PTPRD: variants seen among roughly 807,000 people sequenced by gnomAD.
PTPRD encodes the protein protein tyrosine phosphatase receptor type D, also known as receptor-type tyrosine-protein phosphatase delta.
PTPRD carries 34 observed loss-of-function variants against 214.5 expected under a neutral mutation model. The ratio of observed to expected loss-of-function variants is 0.16; its 90% CI spans 0.12 to 0.21. The LOEUF (loss-of-function observed/expected upper bound fraction) is 0.21, where lower values mean the gene tolerates loss of function less well. PTPRD is among the 10% of genes least tolerant of loss of function. PTPRD has a pLI of 1.00. For missense variants in PTPRD, 2,545 were observed against 2,398.7 expected (o/e 1.06, Z -1.27); for synonymous variants, 1,128 against 845.7 (o/e 1.33, Z -5.79).
intron 3 of PTPRD, among the ~76,000 whole-genome samples, chr9:10,186,229 T>G (rs2099329659): frequency 6.6e-6 from 1 of 152,114 alleles, no homozygotes; most frequent in Non-Finnish European, 1.5e-5. Flanking sequence ...GAGAGTCAAT[T>G]ATTCTCCCAC....
At chr9:8,881,943 A>G (rs1001429363) in intron 11 of PTPRD, among the ~76,000 whole-genome samples, 6 of 152,184 alleles carry the variant, frequency 3.9e-5, no homozygotes, top group Non-Finnish European at 5.9e-5. Context: ...TAGCTTTCTC[A>G]CCAAGAACCA....
At chr9:8,721,446 G>C (rs1204345213) in intron 12 of PTPRD, among the ~76,000 whole-genome samples, 1 of 140,528 alleles carries the variant, frequency 7.1e-6, no homozygotes, top group Non-Finnish European at 1.5e-5. Flanking sequence ...AAAAAAAAAA[G>C]AAAGATAAAG....
intron 3 of PTPRD, among the ~76,000 whole-genome samples, chr9:10,303,798 G>A (rs921635666): frequency 5.3e-5 from 8 of 152,074 alleles, no homozygotes; most frequent in African/African-American, 1.9e-4. Context: ...AAATGTCCAG[G>A]ACCAGATGGA....
intron 3 of PTPRD, among the ~76,000 whole-genome samples, chr9:10,078,474 C>T: frequency 6.8e-6 from 1 of 146,336 alleles, no homozygotes; most frequent in African/African-American, 2.6e-5. Flanking sequence ...CAAGATCATG[C>T]CACTGCACTC....
At chr9:8,844,303 T>C (rs1459239844) in intron 11 of PTPRD, among the ~76,000 whole-genome samples, 1 of 152,216 alleles carries the variant, frequency 6.6e-6, no homozygotes, top group Non-Finnish European at 1.5e-5. Flanking sequence ...ATCCATGGTG[T>C]GTCTTTCCTT....
intron 8 of PTPRD, among the ~76,000 whole-genome samples, chr9:9,487,849 A>T (rs750241273): frequency 6.6e-6 from 1 of 152,184 alleles, no homozygotes; most frequent in South Asian, 2.1e-4. Context: ...AGTATCCCTA[A>T]TAATTCCCAG....
chr9:8,761,998 G>C (rs191074771), intron 11 of PTPRD, among the ~76,000 whole-genome samples: 335 of 152,104 alleles, frequency 2.2e-3, no homozygotes, highest in South Asian at 4.4e-3. Flanking sequence ...GCCCAATTTA[G>C]GTACATTAAA....
chr9:8,991,197 T>A (rs1219593061), intron 11 of PTPRD, among the ~76,000 whole-genome samples: 3 of 145,034 alleles, frequency 2.1e-5, no homozygotes, highest in East Asian at 2.0e-4. Context: ...CCAGCCTGGG[T>A]GACAGAGTGA....
chr9:10,121,303 A>C (rs537831053), intron 3 of PTPRD, among the ~76,000 whole-genome samples: 1 of 151,256 alleles, frequency 6.6e-6, no homozygotes, highest in African/African-American at 2.4e-5. Flanking sequence ...GAATGATTCC[A>C]AAGTTTTTTA....
chr9:10,164,534 G>C lies in PTPRD; in HGVS notation c.-544-130744C>G, dbSNP rs569985632. Among the ~76,000 whole-genome samples the C allele has an allele frequency of 5.9e-5, 9 of 151,498 alleles. No homozygotes were observed. The East Asian group carries it at 1.7e-3, about 29-fold the overall frequency. On this transcript the variant is annotated intron_variant, in intron 3 of 45. Transcript: ENST00000381196. The stretch of plus-strand genomic sequence containing the variant: ...GGAAGATCTAATTGAGTGTGCTCTA[G>C]GACACTAACTTCATATTACAGTTTT...
chr9:9,346,935 C>T (rs1054564372), intron 9 of PTPRD, among the ~76,000 whole-genome samples: 8 of 152,034 alleles, frequency 5.3e-5, no homozygotes, highest in Admixed American at 1.3e-4. Context: ...TCTGGTGATC[C>T]GCCCACCTCG....
intron 12 of PTPRD, among the ~76,000 whole-genome samples, chr9:8,690,560 T>C (rs1005562690): frequency 6.6e-6 from 1 of 151,662 alleles, no homozygotes; most frequent in Non-Finnish European, 1.5e-5. Flanking sequence ...TTTAATCATA[T>C]GGTCAGTAAT....
intron 10 of PTPRD, among the ~76,000 whole-genome samples, chr9:9,162,514 C>G (rs555040852): frequency 3.3e-5 from 5 of 152,196 alleles, no homozygotes; most frequent in African/African-American, 9.6e-5. Flanking sequence ...GACTTTCCAT[C>G]TACATAATTG....
intron 2 of PTPRD, among the ~76,000 whole-genome samples, chr9:10,597,089 CATATATATTTCACAT>C (rs1371984659): frequency 3.1e-4 from 47 of 151,070 alleles, no homozygotes; most frequent in African/African-American, 8.0e-4. Context: ...ATATATTTCA[CATATATATTTCACAT>C]ATATATATTT....
At position 8,338,902 on chromosome 9, in the gene PTPRD, T is replaced by G; in HGVS notation, c.5379+20A>C. ...TACTTTTCAGCTAATGGTTAAGAGT[T>G]GAAGACTGTGCCAACTTACCCTGGC... is the stretch of plus-strand genomic sequence containing the variant. On this transcript the variant is annotated intron_variant, in intron 43 of 45. Transcript: ENST00000381196. The G allele has an allele frequency of 6.3e-7, 1 of 1,598,068 alleles. No individual in the cohort carries two copies. The highest frequency in any genetic ancestry group is 8.5e-7 in the Non-Finnish European group (1 of 1,170,152).
At chr9:9,267,278 T>C (rs771621305) in intron 9 of PTPRD, among the ~76,000 whole-genome samples, 8 of 151,288 alleles carry the variant, frequency 5.3e-5, no homozygotes, top group Non-Finnish European at 1.2e-4. Flanking sequence ...ACTATTTGAA[T>C]AATATCAACA....
At chr9:8,814,178 A>G (rs918239392) in intron 11 of PTPRD, among the ~76,000 whole-genome samples, 1 of 152,126 alleles carries the variant, frequency 6.6e-6, no homozygotes, top group African/African-American at 2.4e-5. Flanking sequence ...TTTTAAGCCT[A>G]GGGATGCCAT....
chr9:8,819,873 G>A (rs1265470894), intron 11 of PTPRD, among the ~76,000 whole-genome samples: 1 of 152,014 alleles, frequency 6.6e-6, no homozygotes, highest in Non-Finnish European at 1.5e-5. Context: ...TCACACTGGG[G>A]CTCTCCTGTG....
At chr9:9,039,987 T>A (rs1011557112) in intron 10 of PTPRD, among the ~76,000 whole-genome samples, 140 of 151,994 alleles carry the variant, frequency 9.2e-4, no homozygotes, top group African/African-American at 3.3e-3. Flanking sequence ...GTGCATTTTT[T>A]TTTTTCTGGC....
Sources: allele counts gnomAD v4.1 joint callset (sites outside exome capture counted in the v4.1 genomes callset), GRCh38; gene constraint gnomAD v4.1.1; transcripts MANE v1.5; gene names NCBI Gene and HGNC (gene_info 2026-07-23, HGNC 2026-07-21).